ARHGEF4: variants seen among roughly 807,000 people sequenced by gnomAD.
The protein encoded by ARHGEF4 is Rho guanine nucleotide exchange factor 4.
Under a neutral mutation model 162.0 loss-of-function variants are expected in ARHGEF4, and 119 were observed. The ratio of observed to expected loss-of-function variants is 0.73; its 90% confidence interval spans 0.63 to 0.86. The LOEUF (loss-of-function observed/expected upper bound fraction) is 0.86. Among genes scored for constraint, ARHGEF4 ranks in the 40% least tolerant of loss-of-function variants. The pLI is 0.00. For missense variants in ARHGEF4, 2,488 were observed against 2,456.0 expected (o/e 1.01, Z -0.28); for synonymous variants, 1,014 against 979.9 (o/e 1.03, Z -0.65).
Position 131,040,186 on chromosome 2 carries a change from C to T in ARHGEF4, c.4476C>T (p.Ile1492=), listed in dbSNP as rs1295655494. 3 of 1,610,104 alleles carry T rather than the reference C, an allele frequency of 1.9e-6. No homozygotes were observed. Among genetic ancestry groups the T allele is most frequent in the South Asian group, 1.1e-5 (1 of 90,866 alleles). The change falls in exon 7 of 14, where the codon ATC becomes ATT. Residue 1492 remains isoleucine (I), a synonymous_variant. Coordinates refer to ENST00000409359, the MANE Select transcript of ARHGEF4 (RefSeq NM_001367493.1). ...ACTACATCAAGCACCTGCGCGACAT[C>T]TGCGAGGTGAGGCCCGGCCGGCGGG... The part of the protein sequence containing the change: ...ERDYIKHLRD[I]CEGYVRQCRK...
At chr2:130,984,776 A>C (rs919073960) in intron 4 of ARHGEF4, among the ~76,000 whole-genome samples, 5 of 152,072 alleles carry the variant, frequency 3.3e-5, no homozygotes, top group Non-Finnish European at 5.9e-5. Flanking sequence ...AACACAATCC[A>C]GTTGCTGCTG....
At chr2:130,978,511 G>T (rs1685902783) in intron 4 of ARHGEF4, among the ~76,000 whole-genome samples, 1 of 152,104 alleles carries the variant, frequency 6.6e-6, no homozygotes, top group Non-Finnish European at 1.5e-5. Context: ...GGCTTTGCTG[G>T]AACATCTCAC....
intron 4 of ARHGEF4, among the ~76,000 whole-genome samples, chr2:130,949,798 A>AC (rs1683839775): frequency 6.6e-6 from 1 of 151,764 alleles, no homozygotes; most frequent in African/African-American, 2.4e-5. Context: ...ACAGGTCCCC[A>AC]CCACCATGCC....
intron 3 of ARHGEF4, among the ~76,000 whole-genome samples, chr2:130,941,308 G>A (rs935239161): frequency 6.6e-6 from 1 of 151,372 alleles, no homozygotes; most frequent in African/African-American, 2.4e-5. Flanking sequence ...CTGGGTTCAA[G>A]CAATTCTGCC....
intron 1 of ARHGEF4, among the ~76,000 whole-genome samples, chr2:130,888,245 C>T (rs1197691023): frequency 1.3e-5 from 2 of 151,766 alleles, no homozygotes; most frequent in South Asian, 2.1e-4. Flanking sequence ...GAGGCCAAGG[C>T]GGGTGGATCA....
At chr2:131,026,016 C>T (rs1689455050) in intron 4 of ARHGEF4, among the ~76,000 whole-genome samples, 1 of 152,184 alleles carries the variant, frequency 6.6e-6, no homozygotes, top group Non-Finnish European at 1.5e-5. Context: ...GAGATGCCAT[C>T]TTTTCATCTT....
intron 4 of ARHGEF4, among the ~76,000 whole-genome samples, chr2:130,959,162 G>A (rs992763251): frequency 2.0e-5 from 3 of 151,866 alleles, no homozygotes; most frequent in Non-Finnish European, 2.9e-5. Flanking sequence ...GGCTGGTCTC[G>A]AACTCCTGAC....
intron 1 of ARHGEF4, among the ~76,000 whole-genome samples, chr2:130,848,032 T>TC (rs996276733): frequency 2.0e-5 from 3 of 152,286 alleles, no homozygotes; most frequent in Admixed American, 2.0e-4. Context: ...TTGCAGGGGC[T>TC]CTTCCAGAGG....
chr2:130,870,710 T>C (rs549229694), intron 1 of ARHGEF4, among the ~76,000 whole-genome samples: 50 of 151,882 alleles, frequency 3.3e-4, no homozygotes, highest in Non-Finnish European at 6.8e-4. Context: ...ATGTGCCAGG[T>C]ATCTAATTTC....
At chr2:130,962,171 G>A (rs977976775) in intron 4 of ARHGEF4, among the ~76,000 whole-genome samples, 4 of 151,346 alleles carry the variant, frequency 2.6e-5, no homozygotes, top group African/African-American at 7.3e-5. Flanking sequence ...CCAGCGAGTC[G>A]TAGGTTGCAG....
At chr2:130,920,273 T>A (rs1354308476) in intron 2 of ARHGEF4, among the ~76,000 whole-genome samples, 2 of 152,338 alleles carry the variant, frequency 1.3e-5, no homozygotes, top group African/African-American at 4.8e-5. Context: ...CACACCCAGA[T>A]AATTTTTTAA....
At chr2:130,923,305 G>A (rs1395724873) in intron 2 of ARHGEF4, among the ~76,000 whole-genome samples, 1 of 152,154 alleles carries the variant, frequency 6.6e-6, no homozygotes, top group Non-Finnish European at 1.5e-5. Flanking sequence ...TCTACCCCAA[G>A]GTCATGAAAA....
At chr2:131,012,700 C>T (rs1688534743) in intron 4 of ARHGEF4, among the ~76,000 whole-genome samples, 1 of 152,192 alleles carries the variant, frequency 6.6e-6, no homozygotes, top group Non-Finnish European at 1.5e-5. Context: ...CATGCCTCAG[C>T]CTCCTGAGCA....
At chr2:130,868,113 G>A (rs930221253) in intron 1 of ARHGEF4, among the ~76,000 whole-genome samples, 27 of 151,670 alleles carry the variant, frequency 1.8e-4, no homozygotes, top group Admixed American at 5.3e-4. Flanking sequence ...TTTTAGTAGA[G>A]ATGGGGTTTC....
rs1047872004 is a variant in ARHGEF4 at position 130,916,197 on chromosome 2, C to A, written c.2251C>A (p.Pro751Thr). The change falls in exon 2 of 14, where the codon CCG becomes ACG. Residue 751 changes from proline to threonine, a missense_variant. Transcript: ENST00000409359. Reference sequence around the variant, plus strand: ...GAGCTCCGGGTCAGGGGAGCGTGGCCCGGAGGAGGCCCCCGAAGGCGGTGC... The same window carrying A: ...GAGCTCCGGGTCAGGGGAGCGTGGCACGGAGGAGGCCCCCGAAGGCGGTGC... ...SRSSGSGERG[P>T]EEAPEGGAAA... 5 of 1,547,290 alleles carry A rather than the reference C, an allele frequency of 3.2e-6. No homozygotes were observed. In the African/African-American group the frequency reaches 6.9e-5, roughly 21 times the overall value.
chr2:130,853,404 G>A (rs1034069354), intron 1 of ARHGEF4, among the ~76,000 whole-genome samples: 3 of 152,176 alleles, frequency 2.0e-5, no homozygotes, highest in African/African-American at 7.2e-5. Flanking sequence ...CTGAGTCCAG[G>A]TGAGGTCTAG....
At position 130,916,500 on chromosome 2, in the gene ARHGEF4, G is replaced by A. The variant is rs561421854; in HGVS notation, c.2554G>A (p.Asp852Asn). 7.1e-6 allele frequency: 11 copies of A among 1,548,108 alleles called. No individual in the cohort carries two copies. In the South Asian group the frequency reaches 1.3e-4, roughly 18 times the overall value. ...GRDAPPLHHG[D>N]ASAWPEFVPQ... Reference sequence around the variant, plus strand: ...GGACGCACCGCCTCTGCACCACGGGGACGCCAGCGCCTGGCCCGAGTTTGT... The same window carrying A: ...GGACGCACCGCCTCTGCACCACGGGAACGCCAGCGCCTGGCCCGAGTTTGT... The change falls in exon 2 of 14, where the codon GAC (aspartate) becomes AAC (asparagine). Residue 852 changes from aspartate (D) to asparagine (N), a missense_variant. By Grantham distance (23) the Asp-to-Asn change is conservative. This residue lies in a region of ARHGEF4 where 1,642 missense variants were observed against 1,481.5 expected (regional missense o/e 1.11). Coordinates refer to ENST00000409359, the MANE Select transcript of ARHGEF4 (RefSeq NM_001367493.1).
intron 1 of ARHGEF4, among the ~76,000 whole-genome samples, chr2:130,874,894 T>A (rs1204983975): frequency 6.6e-6 from 1 of 152,196 alleles, no homozygotes; most frequent in African/African-American, 2.4e-5. Context: ...TGGGTTTGAA[T>A]TTCTTTGCTC....
intron 1 of ARHGEF4, among the ~76,000 whole-genome samples, chr2:130,872,619 CA>C (rs1437978905): frequency 6.6e-6 from 1 of 152,182 alleles, no homozygotes; most frequent in Non-Finnish European, 1.5e-5. Context: ...CTGACTTCTG[CA>C]AGTCTTTTAA....
Sources: allele counts gnomAD v4.1 joint callset (sites outside exome capture counted in the v4.1 genomes callset), GRCh38; gene constraint gnomAD v4.1.1; regional missense constraint gnomAD v4.1.1; transcripts MANE v1.5; gene names NCBI Gene and HGNC (gene_info 2026-07-23, HGNC 2026-07-21).